The following TECR variants were observed in gnomAD, a reference collection of about 807,000 sequenced individuals.
TECR encodes the protein trans-2,3-enoyl-CoA reductase, also known as very-long-chain enoyl-CoA reductase.
A neutral mutation model predicts 50.6 loss-of-function variants in TECR; 19 were observed. The ratio of observed to expected loss-of-function variants is 0.38; its 90% confidence interval spans 0.26 to 0.55. TECR has a LOEUF of 0.55. TECR is among the 20% of genes least tolerant of loss of function. TECR has a pLI of 0.79. For missense variants in TECR, 313 were observed against 408.3 expected (o/e 0.77, Z 2.01); for synonymous variants, 168 against 163.5 (o/e 1.03, Z -0.21).
intron 1 of TECR, among the ~76,000 whole-genome samples, chr19:14,544,236 C>T (rs916975998): frequency 1.3e-5 from 2 of 151,884 alleles, no homozygotes; most frequent in African/African-American, 4.8e-5. Flanking sequence ...ACCTTGTCAC[C>T]TCATGTTTGA....
rs566728357 is a variant in TECR at position 14,565,825 on chromosome 19, G to A, written c.881G>A (p.Arg294Gln). Reference protein sequence around the residue: ...GKHRSYLKEFRDYPPLRMPII... With the variant: ...GKHRSYLKEFQDYPPLRMPII... ...CACCGCAGCTACCTGAAGGAGTTCC[G>A]GGACTACCCGCCCCTGCGCATGCCC... The change falls in exon 13 of 13, where the codon CGG (arginine) becomes CAG (glutamine). Residue 294 changes from arginine to glutamine, a missense_variant. Arg to Gln is a conservative substitution (Grantham distance 43). Transcript: ENST00000215567. The A allele has an allele frequency of 7.5e-6, 12 of 1,598,776 alleles. No homozygotes were observed. The Admixed American group carries it at 1.0e-4, about 14-fold the overall frequency.
chr19:14,531,753 A>AT (rs1435629921), intron 1 of TECR: 1 of 152,146 alleles, frequency 6.6e-6, no homozygotes, highest in Non-Finnish European at 1.5e-5. Flanking sequence ...AAATCCTGTA[A>AT]TTTTTGACAT....
At chr19:14,530,792 A>G (rs1252666176) in intron 1 of TECR, 1 of 152,130 alleles carries the variant, frequency 6.6e-6, no homozygotes. Context: ...ATACACATAA[A>G]ATTTACCATC....
rs73927056 is a variant in TECR, at chr19:14,548,291, A to G, written c.16-14234A>G. 1.2e-3 allele frequency among the ~76,000 whole-genome samples: 178 copies of G among 152,064 alleles called. 1 individual carries two copies. Among genetic ancestry groups the G allele is most frequent in the African/African-American group, 3.9e-3 (162 of 41,498 alleles). On this transcript the variant is annotated intron_variant, in intron 1 of 12. Transcript: ENST00000215567. ...GGGCATTTCAAACTTTACATGTCCA[A>G]AATGGAGCTTCTGATTTTTCCTCTT...
intron 1 of TECR, among the ~76,000 whole-genome samples, chr19:14,555,132 T>C (rs2073673445): frequency 1.3e-5 from 2 of 151,562 alleles, no homozygotes; most frequent in Admixed American, 1.3e-4. Flanking sequence ...AGGGGTGCCG[T>C]AGTGTAATCA....
At position 14,543,403 on chromosome 19, in the gene TECR, ATATATATATATATATATTTTTTTTTT is replaced by A. The variant is rs1478245384; in HGVS notation, c.15+13694_15+13719del. 5.4e-3 allele frequency among the ~76,000 whole-genome samples: 53 copies of A among 9,790 alleles called. 2 individuals carry two copies. Among genetic ancestry groups the A allele is most frequent in the African/African-American group, 0.013 (48 of 3,718 alleles). 6.4% of individuals were successfully genotyped at this position (9,790 alleles called of 152,430 possible). On this transcript the variant is annotated intron_variant, in intron 1 of 12. Coordinates refer to ENST00000215567, the MANE Select transcript of TECR (RefSeq NM_138501.6). ...TGTTTCAGAGAATATATATATATAT[ATATATATATATATATATTTTTTTTTT>A]TTTTTTTTTTTTTTTTTTTTTTTTT... is the stretch of plus-strand genomic sequence containing the variant.
intron 1 of TECR, among the ~76,000 whole-genome samples, chr19:14,542,351 T>G (rs932314308): frequency 1.4e-5 from 1 of 71,432 alleles, no homozygotes; most frequent in African/African-American, 5.5e-5. Context: ...CATAGTGTTT[T>G]TTTTTTTTTT....
chr19:14,544,890 C>G (rs1257995984), intron 1 of TECR, among the ~76,000 whole-genome samples: 1 of 152,090 alleles, frequency 6.6e-6, no homozygotes, highest in Non-Finnish European at 1.5e-5. Flanking sequence ...GCCTCTGTTT[C>G]CCAAAGTGCT....
intron 1 of TECR, among the ~76,000 whole-genome samples, chr19:14,560,538 C>A (rs1476380154): frequency 6.6e-6 from 1 of 152,242 alleles, no homozygotes; most frequent in African/African-American, 2.4e-5. Flanking sequence ...TGGTGGGGCC[C>A]AACGTCCTGC....
chr19:14,545,504 TA>T (rs1477947351), intron 1 of TECR, among the ~76,000 whole-genome samples: 5 of 152,040 alleles, frequency 3.3e-5, no homozygotes, highest in African/African-American at 1.2e-4. Context: ...CCAGCAAGCC[TA>T]GGGGGTGGGG....
chr19:14,561,462 C>T (rs2073899468), intron 1 of TECR, among the ~76,000 whole-genome samples: 1 of 152,138 alleles, frequency 6.6e-6, no homozygotes, highest in Non-Finnish European at 1.5e-5. Context: ...CCCCATCGTT[C>T]ATCACTGGCC....
chr19:14,563,395 C>T lies in TECR; in HGVS notation c.118+138C>T. The stretch of plus-strand genomic sequence containing the variant: ...TGTGGCCCAGGCTTCTGGGGCGTGA[C>T]TGGGGCAGGCGCCTCCACGTGGCAC... On this transcript the variant is annotated intron_variant, in intron 3 of 12. Transcript: ENST00000215567. This position sits in a 1 kb window ranked among gnomAD's most constrained non-coding sequence, Gnocchi z 5.3. 4 of 934,192 alleles carry T rather than the reference C, an allele frequency of 4.3e-6. No individual in the cohort carries two copies. Among genetic ancestry groups the T allele is most frequent in the Non-Finnish European group, 6.8e-6 (4 of 590,682 alleles). The allele number at this position is 934,192 out of a possible 1,614,324, so 57.9% of individuals were successfully genotyped here.
At chr19:14,544,177 A>G (rs1405792730) in intron 1 of TECR, among the ~76,000 whole-genome samples, 2 of 151,682 alleles carry the variant, frequency 1.3e-5, no homozygotes, top group African/African-American at 2.4e-5. Flanking sequence ...AATGTGACAA[A>G]ATACCTCCGA....
chr19:14,564,977 G>A lies in TECR; in HGVS notation c.591G>A (p.Ala197=), dbSNP rs1431182973. 8.1e-6 allele frequency: 13 copies of A among 1,613,876 alleles called. No homozygotes were observed. The highest frequency in any genetic ancestry group is 1.0e-5 in the Non-Finnish European group (12 of 1,180,024). The change falls in exon 9 of 13, where the codon GCG becomes GCA. Residue 197 remains alanine (A), a synonymous_variant. Coordinates refer to ENST00000215567, the MANE Select transcript of TECR (RefSeq NM_138501.6). ...ACGGAGCTCAGCAGGTGAAACTGGC[G>A]CTCGCCATCTTTGTGGTAAGGAGGC... ...PTYGAQQVKL[A]LAIFVICQLG...
At chr19:14,548,249 C>T (rs2073372691) in intron 1 of TECR, among the ~76,000 whole-genome samples, 1 of 152,082 alleles carries the variant, frequency 6.6e-6, no homozygotes, top group South Asian at 2.1e-4. Context: ...GTGTGAGCCA[C>T]TGTGCCTGGG....
intron 1 of TECR, among the ~76,000 whole-genome samples, chr19:14,554,716 C>T (rs2073657016): frequency 6.6e-6 from 1 of 152,124 alleles, no homozygotes. Flanking sequence ...ACACCCACTC[C>T]ACTCTCAGGC....
chr19:14,538,304 G>T (rs1265696056), intron 1 of TECR, among the ~76,000 whole-genome samples: 1 of 152,096 alleles, frequency 6.6e-6, no homozygotes, highest in Non-Finnish European at 1.5e-5. Context: ...TTGGGACAGT[G>T]ACTTAACCTA....
At chr19:14,565,512 C>T (rs1455315772) in intron 11 of TECR, 106 bp from the exon 12 acceptor site, 22 of 1,517,442 alleles carry the variant, frequency 1.4e-5, no homozygotes, top group African/African-American at 2.8e-5. Flanking sequence ...GGTTCCCATC[C>T]CTGACTCAGA....
intron 1 of TECR, among the ~76,000 whole-genome samples, chr19:14,541,440 TGC>T (rs2073094525): frequency 5.2e-5 from 8 of 152,386 alleles, no homozygotes; most frequent in African/African-American, 1.2e-4. Context: ...GGGCAGGTCC[TGC>T]TGGTCCAGGC....
Sources: gnomAD v4.1 joint callset for allele counts (sites outside exome capture counted in the v4.1 genomes callset) on GRCh38, gnomAD v4.1.1 for gene constraint, Gnocchi (gnomAD v3.1) non-coding constraint, MANE v1.5 for transcripts, NCBI Gene and HGNC (gene_info 2026-07-23, HGNC 2026-07-21) for gene names.